Variants in SDK2 observed in about 807,000 individuals in gnomAD.
SDK2 encodes the protein sidekick cell adhesion molecule 2, also known as protein sidekick-2.
In SDK2, 105 loss-of-function variants were observed where a neutral mutation model predicts 253.9. That is an observed-to-expected ratio of 0.41 (90% CI 0.35 to 0.49). The LOEUF (loss-of-function observed/expected upper bound fraction) is 0.49, where lower values mean the gene tolerates loss of function less well. SDK2 is among the 20% of genes least tolerant of loss of function. The pLI is 0.06. For synonymous variants in SDK2, 1,249 were observed against 1,234.9 expected, an observed-to-expected ratio of 1.01 and a Z score of -0.24; for missense variants, 2,608 against 3,003.0, an observed-to-expected ratio of 0.87 and a Z score of 3.07.
At chr17:73,483,661 G>GTATATATATATATATATTTATA in intron 2 of SDK2, among the ~76,000 whole-genome samples, 1 of 70,182 alleles carries the variant, frequency 1.4e-5, no homozygotes, top group South Asian at 4.7e-4. Context: ...GTGTGTGTGT[G>GTATATATATATATATATTTATA]TATATATATA....
At chr17:73,445,788 GA>G (rs1778597838) in intron 5 of SDK2, among the ~76,000 whole-genome samples, 1 of 152,186 alleles carries the variant, frequency 6.6e-6, no homozygotes, top group African/African-American at 2.4e-5. Context: ...TGTGGAAAGA[GA>G]AATTAGCTAA....
intron 1 of SDK2, among the ~76,000 whole-genome samples, chr17:73,540,254 C>T (rs958870533): frequency 6.6e-6 from 1 of 152,188 alleles, no homozygotes; most frequent in South Asian, 2.1e-4. Context: ...ATGTCCCATC[C>T]TCAGCATGGC....
At chr17:73,453,162 A>C (rs1222825189) in intron 4 of SDK2, among the ~76,000 whole-genome samples, 1 of 152,132 alleles carries the variant, frequency 6.6e-6, no homozygotes, top group Non-Finnish European at 1.5e-5. Context: ...GCTTTGGCAC[A>C]TGGGATGTTA....
At chr17:73,479,286 T>C (rs1201129207) in intron 2 of SDK2, among the ~76,000 whole-genome samples, 1 of 152,144 alleles carries the variant, frequency 6.6e-6, no homozygotes, top group Non-Finnish European at 1.5e-5. Flanking sequence ...CCTCTCCCCA[T>C]GGACTTTTGG....
intron 1 of SDK2, among the ~76,000 whole-genome samples, chr17:73,562,198 C>A (rs2045246429): frequency 6.6e-6 from 1 of 152,112 alleles, no homozygotes; most frequent in Non-Finnish European, 1.5e-5. Context: ...TTAATATGAA[C>A]ACCACCAAAA....
chr17:73,498,237 C>T (rs1057479351), intron 2 of SDK2, among the ~76,000 whole-genome samples: 3 of 152,266 alleles, frequency 2.0e-5, no homozygotes, highest in Admixed American at 1.3e-4. Context: ...CCTTCTCTCA[C>T]GGTTTGTCCA....
In SDK2 at chr17:73,338,335, T is replaced by TGG; in HGVS notation, c.*251_*252insCC. 1.6e-6 allele frequency: 1 copy of TGG among 621,306 alleles called. No individual in the cohort carries two copies. The highest frequency in any genetic ancestry group is 3.4e-5 in the East Asian group (1 of 29,264). The allele number at this position is 621,306 out of a possible 1,614,324, so 38.5% of individuals were successfully genotyped here. A position where few individuals can be genotyped will look rare whatever the true frequency, so the allele number is the denominator to read the frequency against. Reference sequence around the variant, plus strand: ...TGACACAGCCACTTCCCCAGCTCCGTGTAATTCCCAAGGGAGCAGTGAACC... The same window carrying TGG: ...TGACACAGCCACTTCCCCAGCTCCGTGGGTAATTCCCAAGGGAGCAGTGAACC... On this transcript the variant is annotated 3_prime_UTR_variant, in exon 45 of 45. Coordinates refer to ENST00000392650, the MANE Select transcript of SDK2 (RefSeq NM_001144952.2). This position sits in a 1 kb window ranked among gnomAD's most constrained non-coding sequence, Gnocchi z 5.0.
intron 1 of SDK2, among the ~76,000 whole-genome samples, chr17:73,610,604 G>A (rs192878942): frequency 5.3e-5 from 8 of 152,278 alleles, no homozygotes; most frequent in East Asian, 1.9e-4. Flanking sequence ...CAGTAGCCAC[G>A]AGGGAGGCGG....
chr17:73,388,659 T>C (rs1599511986), intron 29 of SDK2, among the ~76,000 whole-genome samples: 1 of 152,182 alleles, frequency 6.6e-6, no homozygotes, highest in East Asian at 1.9e-4. Flanking sequence ...CAATGTCCCC[T>C]GTGGCCAAAG....
In SDK2 at chr17:73,512,427, T is replaced by C. The variant is rs549810192; in HGVS notation, c.65-4830A>G. ...CCTGTGCAACTGTACACAACAGCCC[T>C]GTTAGCCACCCTCTCTGTGGAAAAG... On this transcript the variant is annotated intron_variant, in intron 1 of 44. Coordinates refer to ENST00000392650, the MANE Select transcript of SDK2 (RefSeq NM_001144952.2). Among the ~76,000 whole-genome samples, 307 of 152,196 alleles carry C rather than the reference T, an allele frequency of 2.0e-3. 1 individual carries two copies. Among genetic ancestry groups the C allele is most frequent in the African/African-American group, 7.3e-3 (302 of 41,508 alleles).
chr17:73,514,948 C>T (rs2064012793), intron 1 of SDK2, among the ~76,000 whole-genome samples: 1 of 152,166 alleles, frequency 6.6e-6, no homozygotes, highest in South Asian at 2.1e-4. Flanking sequence ...GACCCGGGGT[C>T]AGAGGGAGCA....
intron 22 of SDK2, among the ~76,000 whole-genome samples, chr17:73,398,776 T>C (rs1031278202): frequency 6.6e-6 from 1 of 152,086 alleles, no homozygotes; most frequent in African/African-American, 2.4e-5. Flanking sequence ...ACACCCCGGG[T>C]ACTTCCAGAG....
intron 1 of SDK2, among the ~76,000 whole-genome samples, chr17:73,566,315 ATATATG>A (rs2045311136): frequency 8.9e-6 from 1 of 111,770 alleles, no homozygotes; most frequent in African/African-American, 4.2e-5. Context: ...ATTCTTATAT[ATATATG>A]TGTGTGTGTG....
chr17:73,374,758 G>A (rs1478404396), intron 36 of SDK2, among the ~76,000 whole-genome samples: 1 of 152,104 alleles, frequency 6.6e-6, no homozygotes, highest in Non-Finnish European at 1.5e-5. Context: ...GTGAGCCACT[G>A]TGCCCAGCCT....
chr17:73,418,702 G>T (rs767034454), intron 16 of SDK2, among the ~76,000 whole-genome samples: 4 of 152,150 alleles, frequency 2.6e-5, no homozygotes, highest in Non-Finnish European at 4.4e-5. Context: ...TAGTCCCTCA[G>T]TCAAATGCAA....
chr17:73,424,963 T>C (rs1905988986), intron 12 of SDK2, among the ~76,000 whole-genome samples: 1 of 152,204 alleles, frequency 6.6e-6, no homozygotes, highest in Non-Finnish European at 1.5e-5. Flanking sequence ...CTCACACCGG[T>C]AATCCCAGCA....
chr17:73,453,265 C>T (rs1474926279), intron 4 of SDK2, among the ~76,000 whole-genome samples: 1 of 152,004 alleles, frequency 6.6e-6, no homozygotes, highest in African/African-American at 2.4e-5. Context: ...AGTGAGAGAG[C>T]CCAGCCAAGA....
At position 73,403,029 on chromosome 17, in the gene SDK2, T is replaced by C. The variant is rs372969204; in HGVS notation, c.2485-888A>G. On this transcript the variant is annotated intron_variant, in intron 18 of 44. Coordinates refer to ENST00000392650, the MANE Select transcript of SDK2 (RefSeq NM_001144952.2). ...GGCCAGGCTGGTCTCGAACTCCTGATCTCAAGTGATCCGCCCGCCTCGGCC... is the reference window on the plus strand; with the variant it reads ...GGCCAGGCTGGTCTCGAACTCCTGACCTCAAGTGATCCGCCCGCCTCGGCC... Among the ~76,000 whole-genome samples, 515 of 150,984 alleles carry C rather than the reference T, an allele frequency of 3.4e-3. 17 individuals are homozygous for C. In the East Asian group the frequency reaches 0.058, roughly 17 times the overall value.
Position 73,379,377 on chromosome 17 carries a change from C to T in SDK2, c.4864+71G>A, listed in dbSNP as rs761254009. The T allele has an allele frequency of 1.2e-4, 179 of 1,514,018 alleles. No individual in the cohort carries two copies. Among genetic ancestry groups the T allele is most frequent in the Non-Finnish European group, 1.4e-4 (159 of 1,105,148 alleles). 93.8% of individuals were successfully genotyped at this position (1,514,018 alleles called of 1,614,324 possible). The stretch of plus-strand genomic sequence containing the variant: ...TGGGCGGGATGGGGAGCCCAGATCC[C>T]GTTTCTTCCAGCTGAACTGGGTGGG... On this transcript the variant is annotated intron_variant, in intron 35 of 44. Transcript: ENST00000392650. The surrounding 1 kb of genome is among the most constrained non-coding windows in gnomAD (Gnocchi z 4.5).
Sources: allele counts gnomAD v4.1 joint callset (sites outside exome capture counted in the v4.1 genomes callset), GRCh38; gene constraint gnomAD v4.1.1; non-coding constraint Gnocchi (gnomAD v3.1); transcripts MANE v1.5; gene names NCBI Gene and HGNC (gene_info 2026-07-23, HGNC 2026-07-21).